SORCS2: variants seen among roughly 807,000 people sequenced by gnomAD.
The protein encoded by SORCS2 is VPS10 domain-containing receptor SorCS2.
In SORCS2, 100 loss-of-function variants were observed where a neutral mutation model predicts 141.6. The observed-to-expected ratio is 0.71, with a 90% confidence interval of 0.60 to 0.83. The LOEUF (loss-of-function observed/expected upper bound fraction) is 0.83, where lower values mean the gene tolerates loss of function less well. SORCS2 is among the 40% of genes least tolerant of loss of function. The probability of loss-of-function intolerance (pLI) is 0.00; values close to 1 mark genes in which losing one functional copy is unlikely to be tolerated. For missense variants in SORCS2, 1,646 were observed against 1,560.2 expected, an observed-to-expected ratio of 1.05 and a Z score of -0.93; for synonymous variants, 789 against 676.9, an observed-to-expected ratio of 1.17 and a Z score of -2.57.
chr4:7,357,230 G>A (rs1721312267), intron 1 of SORCS2, among the ~76,000 whole-genome samples: 1 of 152,208 alleles, frequency 6.6e-6, no homozygotes, highest in African/African-American at 2.4e-5. Context: ...GGAGGGACCA[G>A]CTCAACTCTG....
chr4:7,682,947 C>T, intron 10 of SORCS2, 58 bp downstream of exon 10: 1 of 1,570,612 alleles, frequency 6.4e-7, no homozygotes, highest in Non-Finnish European at 8.6e-7. Flanking sequence ...GATATAACTT[C>T]AGTAATCAAG....
chr4:7,724,251 T>C (rs2148877723), intron 19 of SORCS2, among the ~76,000 whole-genome samples: 1 of 148,368 alleles, frequency 6.7e-6, no homozygotes, highest in East Asian at 2.0e-4. Flanking sequence ...ATGGTGACGT[T>C]GGTGTTGGTG....
intron 2 of SORCS2, among the ~76,000 whole-genome samples, chr4:7,454,110 T>G: frequency 1.8e-5 from 2 of 112,230 alleles, no homozygotes; most frequent in Non-Finnish European, 3.6e-5. Flanking sequence ...GGTGCTGTGT[T>G]GGGGTCAGGC....
intron 3 of SORCS2, among the ~76,000 whole-genome samples, chr4:7,536,839 G>C (rs112983901): frequency 0.026 from 1,185 of 44,982 alleles, 12 homozygotes; most frequent in Non-Finnish European, 0.06. Flanking sequence ...ATGTGGGGGG[G>C]GGGGGCGGGC....
At chr4:7,417,243 G>T (rs1725760381) in intron 2 of SORCS2, among the ~76,000 whole-genome samples, 1 of 152,164 alleles carries the variant, frequency 6.6e-6, no homozygotes, top group Non-Finnish European at 1.5e-5. Context: ...CTTGTCCAGG[G>T]ATGATGCTCT....
intron 1 of SORCS2, among the ~76,000 whole-genome samples, chr4:7,307,970 T>C (rs1176170861): frequency 6.6e-6 from 1 of 152,150 alleles, no homozygotes; most frequent in Non-Finnish European, 1.5e-5. Context: ...TGTCTGAGTG[T>C]GTGTGCGCAG....
chr4:7,420,048 G>A (rs528773691), intron 2 of SORCS2, among the ~76,000 whole-genome samples: 5 of 152,290 alleles, frequency 3.3e-5, no homozygotes, highest in South Asian at 2.1e-4. Flanking sequence ...CTAGCAGGCC[G>A]GGGAGACAAG....
At chr4:7,666,457 C>T (rs1722511731) in intron 7 of SORCS2, among the ~76,000 whole-genome samples, 1 of 152,220 alleles carries the variant, frequency 6.6e-6, no homozygotes, top group Non-Finnish European at 1.5e-5. Context: ...CTCCCTTCCT[C>T]CCTCCTCCCA....
intron 2 of SORCS2, among the ~76,000 whole-genome samples, chr4:7,493,314 G>A (rs769011911): frequency 3.3e-5 from 5 of 152,200 alleles, no homozygotes; most frequent in Non-Finnish European, 5.9e-5. Flanking sequence ...CCAGAGAAGA[G>A]AGGAGATGGG....
intron 1 of SORCS2, among the ~76,000 whole-genome samples, chr4:7,374,197 T>C (rs145326015): frequency 0.016 from 2,366 of 145,410 alleles, 71 homozygotes; most frequent in African/African-American, 0.057. Context: ...CTTTCTTTCT[T>C]TTTTGCAGAG....
chr4:7,715,100 C>T, intron 16 of SORCS2, 83 bp from the exon 17 acceptor site: 1 of 1,572,174 alleles, frequency 6.4e-7, no homozygotes, highest in East Asian at 2.3e-5. Flanking sequence ...CCCTTCTCAG[C>T]TCCCCCAGAT....
chr4:7,682,597 G>A (rs1190410886), intron 9 of SORCS2, 146 bp from the exon 10 acceptor site: 5 of 798,504 alleles, frequency 6.3e-6, no homozygotes, highest in African/African-American at 1.7e-5. Context: ...CTCACCTCTA[G>A]AATGTGTCTC....
intron 2 of SORCS2, among the ~76,000 whole-genome samples, chr4:7,505,294 G>C (rs1732209771): frequency 6.6e-6 from 1 of 152,192 alleles, no homozygotes. Flanking sequence ...TCCACGGAGG[G>C]ACATAGGTGG....
intron 21 of SORCS2, among the ~76,000 whole-genome samples, chr4:7,727,207 T>C (rs922301674): frequency 1.3e-5 from 2 of 150,746 alleles, no homozygotes; most frequent in African/African-American, 4.8e-5. Flanking sequence ...CAGCCAGGTT[T>C]GGGCACTGGC....
intron 2 of SORCS2, chr4:7,432,579 C>T (rs1164996492): frequency 6.6e-6 from 1 of 152,158 alleles, no homozygotes; most frequent in African/African-American, 2.4e-5. Context: ...GCATATTTTG[C>T]TCTCCTGACT....
intron 1 of SORCS2, among the ~76,000 whole-genome samples, chr4:7,370,072 C>G (rs1722151270): frequency 6.6e-6 from 1 of 152,238 alleles, no homozygotes; most frequent in Non-Finnish European, 1.5e-5. Context: ...CCTCAGTGCC[C>G]CCCCAGCTTA....
chr4:7,202,520 C>T (rs1188712204), intron 1 of SORCS2, among the ~76,000 whole-genome samples: 1 of 152,190 alleles, frequency 6.6e-6, no homozygotes, highest in Non-Finnish European at 1.5e-5. Context: ...AATAACAGCA[C>T]TCTCCTTCCT....
Position 7,212,499 on chromosome 4 carries a change from G to A in SORCS2, c.480+19373G>A, listed in dbSNP as rs532382915. 7.9e-5 allele frequency among the ~76,000 whole-genome samples: 12 copies of A among 152,314 alleles called. No homozygotes were observed. In the South Asian group the frequency reaches 1.5e-3, roughly 18 times the overall value. ...GCTTCAGGCATGACTGGCTCTAGGC[G>A]TTCTAACATAGGCACCAGGCTTGGT... On this transcript the variant is annotated intron_variant, in intron 1 of 26. Coordinates refer to ENST00000507866, the MANE Select transcript of SORCS2 (RefSeq NM_020777.3).
intron 1 of SORCS2, among the ~76,000 whole-genome samples, chr4:7,334,287 A>G (rs1719847917): frequency 6.6e-6 from 1 of 150,932 alleles, no homozygotes; most frequent in Non-Finnish European, 1.5e-5. Context: ...GCCACCTTGG[A>G]CCTCCTCCTT....
Sources: gnomAD v4.1 joint callset for allele counts (sites outside exome capture counted in the v4.1 genomes callset) on GRCh38, gnomAD v4.1.1 for gene constraint, MANE v1.5 for transcripts, NCBI Gene and HGNC (gene_info 2026-07-23, HGNC 2026-07-21) for gene names.